RSRC1: variants seen among roughly 807,000 people sequenced by gnomAD.
The protein encoded by RSRC1 is arginine and serine rich coiled-coil 1.
RSRC1 carries 39 observed loss-of-function variants against 49.1 expected under a neutral mutation model. The observed-to-expected ratio is 0.79, with a 90% CI of 0.61 to 1.04. RSRC1 has a LOEUF of 1.04. RSRC1 is among the 50% of genes least tolerant of loss of function. RSRC1 has a pLI of 0.00. For missense variants in RSRC1, 388 were observed against 402.4 expected (o/e 0.96, Z 0.31); for synonymous variants, 143 against 130.8 (o/e 1.09, Z -0.63).
At chr3:158,374,036 CCATTTT>C (rs1165536414) in intron 6 of RSRC1, among the ~76,000 whole-genome samples, 2 of 151,998 alleles carry the variant, frequency 1.3e-5, no homozygotes, top group African/African-American at 4.8e-5. Context: ...TTTATGTTTA[CCATTTT>C]CATGTTCCTA....
At chr3:158,401,831 C>G (rs1054576949) in intron 6 of RSRC1, among the ~76,000 whole-genome samples, 1 of 151,822 alleles carries the variant, frequency 6.6e-6, no homozygotes, top group African/African-American at 2.4e-5. Flanking sequence ...CAAATAAAAT[C>G]ATGGTTTAAT....
chr3:158,179,347 C>G (rs920868052), intron 3 of RSRC1, among the ~76,000 whole-genome samples: 1 of 152,128 alleles, frequency 6.6e-6, no homozygotes, highest in Non-Finnish European at 1.5e-5. Flanking sequence ...GAGAGTATTA[C>G]CCCAGGAATC....
intron 4 of RSRC1, among the ~76,000 whole-genome samples, chr3:158,205,866 C>T (rs974747598): frequency 2.6e-5 from 4 of 152,064 alleles, no homozygotes; most frequent in Non-Finnish European, 4.4e-5. Flanking sequence ...AGAAAGTTTA[C>T]GAATTTGTGT....
intron 3 of RSRC1, among the ~76,000 whole-genome samples, chr3:158,131,744 A>G (rs1253209509): frequency 6.6e-6 from 1 of 152,136 alleles, no homozygotes; most frequent in Non-Finnish European, 1.5e-5. Context: ...TTGAAACTGT[A>G]CACCTGTAGA....
intron 3 of RSRC1, among the ~76,000 whole-genome samples, chr3:158,195,421 G>A (rs1330076149): frequency 1.3e-5 from 2 of 149,246 alleles, no homozygotes; most frequent in Non-Finnish European, 3.0e-5. Context: ...TGGGTAGATT[G>A]CAAACATTTT....
chr3:158,544,189 A>G lies in RSRC1; in HGVS notation c.919A>G (p.Ile307Val), dbSNP rs2108511290. 2.5e-6 allele frequency: 4 copies of G among 1,608,374 alleles called. No individual in the cohort carries two copies. The highest frequency in any genetic ancestry group is 3.4e-6 in the Non-Finnish European group (4 of 1,176,650). ...TTTTCTTTTCTTATTTCAGTTATTT[A>G]TCGAGAAAGCTGATGCTGAGGAAAA... ...DNSLAHPNLF[I>V]EKADAEEKWF... Residue 307 changes from isoleucine (I) to valine (V), a missense_variant, in exon 10 of 10, where the codon ATC (isoleucine) becomes GTC (valine). Transcript: ENST00000611884.
Position 158,529,214 on chromosome 3 carries a change from G to GTGTGTATA in RSRC1, c.653-7877_653-7876insGTGTATAT, listed in dbSNP as rs374368016. 4.1e-3 allele frequency among the ~76,000 whole-genome samples: 585 copies of GTGTGTATA among 143,132 alleles called. 3 individuals carry two copies. The highest frequency in any genetic ancestry group is 0.011 in the African/African-American group (404 of 38,044). The allele number at this position is 143,132 out of a possible 152,430, so 93.9% of individuals were successfully genotyped here. On this transcript the variant is annotated intron_variant, in intron 7 of 9. Transcript: ENST00000611884. Reference sequence around the variant, plus strand: ...TTTATGTATATATGTATGTGTGTGTGTATATATATATATATATATATCCTA... The same window carrying GTGTGTATA: ...TTTATGTATATATGTATGTGTGTGTGTGTGTATATATATATATATATATATATATCCTA...
chr3:158,123,536 G>A (rs746798984), intron 2 of RSRC1, among the ~76,000 whole-genome samples: 2 of 152,032 alleles, frequency 1.3e-5, no homozygotes, highest in Non-Finnish European at 2.9e-5. Context: ...GGCCTCAAGC[G>A]ATCCTCCTGC....
intron 6 of RSRC1, among the ~76,000 whole-genome samples, chr3:158,411,202 A>G (rs1734448475): frequency 6.6e-6 from 1 of 152,034 alleles, no homozygotes. Flanking sequence ...TCTGCTGTTG[A>G]TGGACTTTTG....
chr3:158,508,885 C>CCTGG (rs1295534404), intron 7 of RSRC1, among the ~76,000 whole-genome samples: 19 of 152,086 alleles, frequency 1.2e-4, no homozygotes, highest in African/African-American at 4.6e-4. Context: ...ACCTTGAACC[C>CCTGG]CTGGGCTCAA....
At chr3:158,427,013 G>T (rs533633235) in intron 6 of RSRC1, among the ~76,000 whole-genome samples, 2 of 151,836 alleles carry the variant, frequency 1.3e-5, no homozygotes, top group Admixed American at 1.3e-4. Flanking sequence ...AGCATGGTTG[G>T]TTTGCTTTTC....
At chr3:158,229,325 CA>C (rs1722792496) in intron 4 of RSRC1, among the ~76,000 whole-genome samples, 1 of 85,164 alleles carries the variant, frequency 1.2e-5, no homozygotes, top group Non-Finnish European at 2.5e-5. Context: ...TAAACATACA[CA>C]GGTATATGTG....
chr3:158,439,431 T>C (rs1041594268), intron 6 of RSRC1, among the ~76,000 whole-genome samples: 1 of 152,048 alleles, frequency 6.6e-6, no homozygotes, highest in African/African-American at 2.4e-5. Context: ...CCATCAATGA[T>C]AGACTGGATA....
rs770143827 is a variant in RSRC1 at position 158,239,495 on chromosome 3, G to A, written c.494+36250G>A. On this transcript the variant is annotated intron_variant, in intron 4 of 9. Coordinates refer to ENST00000611884, the MANE Select transcript of RSRC1 (RefSeq NM_001271838.2). ...AAATAGACTGGATTAAGAAAATGTG[G>A]CACATATACACCATGGAATACTGTG... Among the ~76,000 whole-genome samples, 9 of 149,872 alleles carry A rather than the reference G, an allele frequency of 6.0e-5. No individual in the cohort carries two copies. In the Admixed American group the frequency reaches 6.1e-4, roughly 10 times the overall value.
chr3:158,243,349 A>G (rs116370645), intron 4 of RSRC1, among the ~76,000 whole-genome samples: 4,004 of 152,198 alleles, frequency 0.026, 156 homozygotes, highest in African/African-American at 0.092. Flanking sequence ...GTCAGAGATC[A>G]GATGGTGGTA....
At chr3:158,513,749 C>G (rs1163600610) in intron 7 of RSRC1, among the ~76,000 whole-genome samples, 1 of 152,196 alleles carries the variant, frequency 6.6e-6, no homozygotes, top group Non-Finnish European at 1.5e-5. Flanking sequence ...CCATCTGGTC[C>G]TGGACTCTTT....
chr3:158,350,852 A>C (rs1043082155), intron 5 of RSRC1, among the ~76,000 whole-genome samples: 1 of 152,194 alleles, frequency 6.6e-6, no homozygotes, highest in African/African-American at 2.4e-5. Context: ...CTGGAGTCTA[A>C]TACATGCTAA....
rs1727336199 is a variant in RSRC1, at chr3:158,298,056, A to G, written c.512A>G (p.Lys171Arg). 1 of 1,605,686 alleles carries G rather than the reference A, an allele frequency of 6.2e-7. No homozygotes were observed. The highest frequency in any genetic ancestry group is 8.5e-7 in the Non-Finnish European group (1 of 1,172,968). Residue 171 changes from lysine (K) to arginine (R), a missense_variant, in exon 5 of 10, where the codon AAA (lysine) becomes AGA (arginine). By Grantham distance (26) the Lys-to-Arg change is conservative. Coordinates refer to ENST00000611884, the MANE Select transcript of RSRC1 (RefSeq NM_001271838.2). ...NIKRGESGNI[K>R]AGLEHLPPAE... ...TATTTTAGGGAATCTGGAAACATCAAAGCTGGATTAGAACATCTGGTAAGT... is the reference window on the plus strand; with the variant it reads ...TATTTTAGGGAATCTGGAAACATCAGAGCTGGATTAGAACATCTGGTAAGT...
intron 6 of RSRC1, among the ~76,000 whole-genome samples, chr3:158,397,320 T>A (rs1408060508): frequency 6.6e-6 from 1 of 152,194 alleles, no homozygotes; most frequent in African/African-American, 2.4e-5. Flanking sequence ...CTTCTAGCCA[T>A]AACATAGAGT....
Sources: allele counts gnomAD v4.1 joint callset (sites outside exome capture counted in the v4.1 genomes callset), GRCh38; gene constraint gnomAD v4.1.1; transcripts MANE v1.5; gene names NCBI Gene and HGNC (gene_info 2026-07-23, HGNC 2026-07-21).